GTF2F2: variants seen among roughly 807,000 people sequenced by gnomAD.
The protein encoded by GTF2F2 is general transcription factor IIF subunit 2, also known as ATP-dependent helicase GTF2F2.
Under a neutral mutation model 42.2 loss-of-function variants are expected in GTF2F2, and 23 were observed. The observed-to-expected ratio is 0.55, with a 90% CI of 0.39 to 0.77. The LOEUF is 0.77. GTF2F2 is among the 30% of genes least tolerant of loss of function. The pLI is 0.00. For missense variants in GTF2F2, 261 were observed against 287.2 expected, an observed-to-expected ratio of 0.91 and a Z score of 0.66; for synonymous variants, 105 against 100.8, an observed-to-expected ratio of 1.04 and a Z score of -0.25.
intron 4 of GTF2F2, among the ~76,000 whole-genome samples, chr13:45,181,183 A>G (rs1028777983): frequency 2.3e-5 from 3 of 131,746 alleles, no homozygotes; most frequent in African/African-American, 1.2e-4. Context: ...CAAAAAAACA[A>G]ACAAACAAAA....
At chr13:45,210,397 C>T (rs959808082) in intron 5 of GTF2F2, among the ~76,000 whole-genome samples, 2 of 152,140 alleles carry the variant, frequency 1.3e-5, no homozygotes, top group Non-Finnish European at 2.9e-5. Context: ...AAATGCATGG[C>T]TTGCCGCCTC....
chr13:45,127,266 T>C (rs1053037739), intron 1 of GTF2F2, among the ~76,000 whole-genome samples: 39 of 152,126 alleles, frequency 2.6e-4, no homozygotes, highest in African/African-American at 8.7e-4. Context: ...ATGAAGACAG[T>C]GCAATATGAG....
At chr13:45,249,074 C>A (rs1875765151) in intron 5 of GTF2F2, among the ~76,000 whole-genome samples, 3 of 152,124 alleles carry the variant, frequency 2.0e-5, no homozygotes, top group Non-Finnish European at 4.4e-5. Context: ...ACTTTGAAAG[C>A]ATATCAAGGT....
At chr13:45,128,308 C>T (rs1869153222) in intron 1 of GTF2F2, among the ~76,000 whole-genome samples, 1 of 148,920 alleles carries the variant, frequency 6.7e-6, no homozygotes, top group African/African-American at 2.4e-5. Flanking sequence ...GGCACAGTGG[C>T]TCACGCCTGT....
At chr13:45,253,507 C>T (rs1444815491) in intron 6 of GTF2F2, among the ~76,000 whole-genome samples, 1 of 152,196 alleles carries the variant, frequency 6.6e-6, no homozygotes, top group Non-Finnish European at 1.5e-5. Context: ...TACAGTAGTA[C>T]TCCCTTGTCC....
At chr13:45,134,494 A>C (rs1358670250) in intron 1 of GTF2F2, among the ~76,000 whole-genome samples, 1 of 152,108 alleles carries the variant, frequency 6.6e-6, no homozygotes, top group Non-Finnish European at 1.5e-5. Context: ...AGCCACCTTA[A>C]AGCTACCTCT....
rs180719528 is a variant in GTF2F2, at chr13:45,271,745, T to C, written c.630+4369T>C. 2.5e-3 allele frequency among the ~76,000 whole-genome samples: 376 copies of C among 152,106 alleles called. 1 individual carries two copies. Among genetic ancestry groups the C allele is most frequent in the African/African-American group, 8.1e-3 (334 of 41,484 alleles). On this transcript the variant is annotated intron_variant, in intron 7 of 7. Transcript: ENST00000340473. ...ATTTGTATTTTTAGTAGAGATGGGG[T>C]TTTGCCATGTTGGCCAGGCTGGTCT...
intron 4 of GTF2F2, among the ~76,000 whole-genome samples, chr13:45,201,610 A>G (rs1163997949): frequency 2.0e-5 from 3 of 152,162 alleles, no homozygotes; most frequent in African/African-American, 7.2e-5. Context: ...TATATACATA[A>G]CCTTTAAAAT....
chr13:45,233,551 C>T (rs935510005), intron 5 of GTF2F2, among the ~76,000 whole-genome samples: 9 of 152,184 alleles, frequency 5.9e-5, no homozygotes, highest in Non-Finnish European at 5.9e-5. Context: ...TTGCCCTTGC[C>T]TCAGCTAGCA....
At chr13:45,223,710 C>T (rs747616392) in intron 5 of GTF2F2, among the ~76,000 whole-genome samples, 13 of 152,218 alleles carry the variant, frequency 8.5e-5, no homozygotes, top group Non-Finnish European at 1.6e-4. Context: ...AAGTAATCCC[C>T]CATGTCAGCT....
At chr13:45,269,386 C>A (rs889073727) in intron 7 of GTF2F2, among the ~76,000 whole-genome samples, 3 of 152,158 alleles carry the variant, frequency 2.0e-5, no homozygotes, top group African/African-American at 7.2e-5. Flanking sequence ...AATGCCTTCC[C>A]CAGGCTGGGG....
In GTF2F2 at chr13:45,151,790, T is replaced by G; in HGVS notation, c.263T>G (p.Val88Gly). The G allele has an allele frequency of 6.3e-7, 1 of 1,582,552 alleles. No individual in the cohort carries two copies. The highest frequency in any genetic ancestry group is 8.6e-7 in the Non-Finnish European group (1 of 1,158,400). Residue 88 changes from valine to glycine, a missense_variant, in exon 4 of 8, where the codon GTT becomes GGT. By Grantham distance (109) the Val-to-Gly change is moderately radical (BLOSUM62 -3). Coordinates refer to ENST00000340473, the MANE Select transcript of GTF2F2 (RefSeq NM_004128.3). ...PREHPFVLQS[V>G]GGQTLTVFTE... ...GAACATCCATTTGTCTTGCAAAGTG[T>G]TGGAGGACAGACATTAACAGTATTT...
intron 4 of GTF2F2, chr13:45,194,092 C>G (rs779893068): frequency 1.9e-6 from 3 of 1,614,088 alleles, no homozygotes; most frequent in South Asian, 1.1e-5. Context: ...AGGAGCATTA[C>G]AGAAGATTCT....
chr13:45,274,323 C>CTTTTTTTT lies in GTF2F2; in HGVS notation c.630+6961_630+6968dup, dbSNP rs367793010. On this transcript the variant is annotated intron_variant, in intron 7 of 7. Coordinates refer to ENST00000340473, the MANE Select transcript of GTF2F2 (RefSeq NM_004128.3). ...CCTTTTATTTTTAGTACAAATTATA[C>CTTTTTTTT]TTTTTTTTTTTTTTTTTTTTTGAGA... Among the ~76,000 whole-genome samples the CTTTTTTTT allele has an allele frequency of 3.0e-4, 31 of 102,410 alleles. 1 individual carries two copies. Among genetic ancestry groups the CTTTTTTTT allele is most frequent in the Middle Eastern group, 5.4e-3 (1 of 186 alleles). 67.2% of individuals were successfully genotyped at this position (102,410 alleles called of 152,430 possible). A position where few individuals can be genotyped will look rare whatever the true frequency, so the allele number is the denominator to read the frequency against.
At chr13:45,235,809 T>A (rs1394319528) in intron 5 of GTF2F2, among the ~76,000 whole-genome samples, 1 of 152,108 alleles carries the variant, frequency 6.6e-6, no homozygotes, top group African/African-American at 2.4e-5. Context: ...TTCACCATGT[T>A]GACCGTGCTG....
In GTF2F2 at chr13:45,273,677, C is replaced by T. The variant is rs1230922337; in HGVS notation, c.630+6301C>T. ...AAAATTTTTTTTTTTTTTTTTGAGA[C>T]GGAGTCTTGTTCTGTGGCCCAGGCT... On this transcript the variant is annotated intron_variant, in intron 7 of 7. Coordinates refer to ENST00000340473, the MANE Select transcript of GTF2F2 (RefSeq NM_004128.3). Among the ~76,000 whole-genome samples, 4 of 72,032 alleles carry T rather than the reference C, an allele frequency of 5.6e-5. No individual in the cohort carries two copies. The East Asian group carries it at 6.9e-4, about 12-fold the overall frequency. The allele number at this position is 72,032 out of a possible 152,430, so 47.3% of individuals were successfully genotyped here.
intron 5 of GTF2F2, among the ~76,000 whole-genome samples, chr13:45,221,576 T>A (rs1017792618): frequency 6.6e-6 from 1 of 151,460 alleles, no homozygotes; most frequent in Admixed American, 6.6e-5. Context: ...GGGGTCCCAG[T>A]ATGACTGCAC....
At chr13:45,245,702 CATAT>C (rs1179535959) in intron 5 of GTF2F2, among the ~76,000 whole-genome samples, 4,064 of 55,020 alleles carry the variant, frequency 0.074, 196 homozygotes, top group African/African-American at 0.29. Flanking sequence ...TATATATATA[CATAT>C]ACATACACAC....
At chr13:45,216,889 G>A (rs1057002038) in intron 5 of GTF2F2, among the ~76,000 whole-genome samples, 2 of 151,960 alleles carry the variant, frequency 1.3e-5, no homozygotes, top group East Asian at 3.9e-4. Context: ...ATCTTATTCT[G>A]CTGCCATTTT....
Sources: allele counts gnomAD v4.1 joint callset (sites outside exome capture counted in the v4.1 genomes callset), GRCh38; gene constraint gnomAD v4.1.1; transcripts MANE v1.5; gene names NCBI Gene and HGNC (gene_info 2026-07-23, HGNC 2026-07-21).